PIEZO2: variants seen among roughly 807,000 people sequenced by gnomAD.
The protein encoded by PIEZO2 is piezo-type mechanosensitive ion channel component 2.
PIEZO2 carries 172 observed loss-of-function variants against 337.3 expected under a neutral mutation model. The observed-to-expected ratio is 0.51, with a 90% confidence interval of 0.45 to 0.58. The LOEUF (loss-of-function observed/expected upper bound fraction) is 0.58. PIEZO2 is among the 20% of genes least tolerant of loss of function. The probability of loss-of-function intolerance (pLI) is 0.00; values close to 1 mark genes in which losing one functional copy is unlikely to be tolerated. For missense variants in PIEZO2, 3,028 were observed against 3,391.3 expected, an observed-to-expected ratio of 0.89 and a Z score of 2.66; for synonymous variants, 1,251 against 1,228.5, an observed-to-expected ratio of 1.02 and a Z score of -0.38.
chr18:10,759,405 A>T lies in PIEZO2; in HGVS notation c.3757+77T>A. On this transcript the variant is annotated intron_variant, in intron 26 of 55. Coordinates refer to ENST00000674853, the MANE Select transcript of PIEZO2 (RefSeq NM_001378183.1). This position sits in a 1 kb window ranked among gnomAD's most constrained non-coding sequence, Gnocchi z 5.5. The stretch of plus-strand genomic sequence containing the variant: ...AGTCTAGTGGAAGACAAAAGGCACT[A>T]ATGCATAGCACGTGAACAATGATTA... 1 of 1,230,730 alleles carries T rather than the reference A, an allele frequency of 8.1e-7. No individual in the cohort carries two copies. Among genetic ancestry groups the T allele is most frequent in the Non-Finnish European group, 1.1e-6 (1 of 872,926 alleles). The allele number at this position is 1,230,730 out of a possible 1,614,324, so 76.2% of individuals were successfully genotyped here. A position where few individuals can be genotyped will look rare whatever the true frequency, so the allele number is the denominator to read the frequency against.
chr18:10,774,879 G>A (rs1327290707), intron 18 of PIEZO2, among the ~76,000 whole-genome samples: 1 of 152,152 alleles, frequency 6.6e-6, no homozygotes, highest in African/African-American at 2.4e-5. Context: ...ATAATTGTAG[G>A]TTCTGAGTAA....
rs891758268 is a variant in PIEZO2, at chr18:10,855,283, A to G, written c.917+70T>C. The G allele has an allele frequency of 6.4e-5, 87 of 1,354,774 alleles. No individual in the cohort carries two copies. The highest frequency in any genetic ancestry group is 8.1e-5 in the Non-Finnish European group (80 of 987,852). 83.9% of individuals were successfully genotyped at this position (1,354,774 alleles called of 1,614,324 possible). ...CAAGAATAACCCCTGTAAATTCACAATGCCAAACCAAGGTCCCAAAGGCGT... is the reference window on the plus strand; with the variant it reads ...CAAGAATAACCCCTGTAAATTCACAGTGCCAAACCAAGGTCCCAAAGGCGT... On this transcript the variant is annotated intron_variant, in intron 7 of 55. Coordinates refer to ENST00000674853, the MANE Select transcript of PIEZO2 (RefSeq NM_001378183.1). This position sits in a 1 kb window ranked among gnomAD's most constrained non-coding sequence, Gnocchi z 4.9.
rs192204849 is a variant in PIEZO2, at chr18:10,793,902, G to A, written c.1758+870C>T. On this transcript the variant is annotated intron_variant, in intron 13 of 55. Coordinates refer to ENST00000674853, the MANE Select transcript of PIEZO2 (RefSeq NM_001378183.1). Reference sequence around the variant, plus strand: ...AGCTCTTCACCCAAAAATCTGTTACGAAGACCAAACTTTGCCCTAGTCTAC... The same window carrying A: ...AGCTCTTCACCCAAAAATCTGTTACAAAGACCAAACTTTGCCCTAGTCTAC... Among the ~76,000 whole-genome samples the A allele has an allele frequency of 2.6e-3, 389 of 152,122 alleles. 1 individual carries two copies. Among genetic ancestry groups the A allele is most frequent in the African/African-American group, 8.8e-3 (367 of 41,504 alleles).
intron 3 of PIEZO2, among the ~76,000 whole-genome samples, chr18:10,950,562 G>T (rs745399948): frequency 1.1e-4 from 16 of 152,188 alleles, no homozygotes; most frequent in Non-Finnish European, 1.9e-4. Context: ...AACGAGAAAA[G>T]TAAGTTATTG....
At position 11,104,520 on chromosome 18, in the gene PIEZO2, G is replaced by A; in HGVS notation, c.65-38298C>T. Reference sequence around the variant, plus strand: ...CAGGGACGGCCTCCTGGGCAGGAGAGAAAGCTGGCCTGGAGCCATCTGAAG... The same window carrying A: ...CAGGGACGGCCTCCTGGGCAGGAGAAAAAGCTGGCCTGGAGCCATCTGAAG... On this transcript the variant is annotated intron_variant, in intron 1 of 55. Coordinates refer to ENST00000674853, the MANE Select transcript of PIEZO2 (RefSeq NM_001378183.1). The surrounding 1 kb of genome is among the most constrained non-coding windows in gnomAD (Gnocchi z 4.6). 6.6e-6 allele frequency among the ~76,000 whole-genome samples: 1 copy of A among 152,214 alleles called. No individual in the cohort carries two copies. The highest frequency in any genetic ancestry group is 1.9e-4 in the East Asian group (1 of 5,188).
rs1433545868 is a variant in PIEZO2, at chr18:10,671,336, T to C, written c.*191A>G. 2 of 533,170 alleles carry C rather than the reference T, an allele frequency of 3.8e-6. No individual in the cohort carries two copies. Among genetic ancestry groups the C allele is most frequent in the East Asian group, 3.3e-5 (1 of 30,514 alleles). The allele number at this position is 533,170 out of a possible 1,614,324, so 33.0% of individuals were successfully genotyped here. On this transcript the variant is annotated 3_prime_UTR_variant, in exon 56 of 56. Coordinates refer to ENST00000674853, the MANE Select transcript of PIEZO2 (RefSeq NM_001378183.1). ...GATTTCAGAGAAATGGAGTTACAAA[T>C]AACATTTTCAACAGTGCCTTAACTT...
chr18:10,948,664 G>T (rs144683846), intron 3 of PIEZO2, among the ~76,000 whole-genome samples: 1 of 152,124 alleles, frequency 6.6e-6, no homozygotes, highest in African/African-American at 2.4e-5. Context: ...AGCTTGCAGA[G>T]GGGGAAATGT....
Position 10,988,920 on chromosome 18 carries a change from G to T in PIEZO2, c.161-9260C>A, listed in dbSNP as rs79635390. 0.021 allele frequency among the ~76,000 whole-genome samples: 3,218 copies of T among 152,180 alleles called. 123 individuals carry two copies. Among genetic ancestry groups the T allele is most frequent in the African/African-American group, 0.073 (3,015 of 41,506 alleles). The stretch of plus-strand genomic sequence containing the variant: ...AGAGAGTAGAATGGTGGTTATAAGG[G>T]GCTGGGGGTGGAGAGCAGGGAAATG... On this transcript the variant is annotated intron_variant, in intron 2 of 55. Transcript: ENST00000674853. This position sits in a 1 kb window ranked among gnomAD's most constrained non-coding sequence, Gnocchi z 4.8.
intron 3 of PIEZO2, among the ~76,000 whole-genome samples, chr18:10,938,935 A>C (rs1216181124): frequency 1.3e-5 from 2 of 152,084 alleles, no homozygotes; most frequent in African/African-American, 2.4e-5. Flanking sequence ...AAATACAAAA[A>C]AATTAGCCAG....
At chr18:10,697,487 C>A (rs548752636) in intron 45 of PIEZO2, among the ~76,000 whole-genome samples, 2 of 152,340 alleles carry the variant, frequency 1.3e-5, no homozygotes, top group African/African-American at 4.8e-5. Flanking sequence ...AGAATACAAT[C>A]CATGAGCCCT....
At chr18:11,042,183 A>C (rs1046902793) in intron 2 of PIEZO2, among the ~76,000 whole-genome samples, 1 of 152,306 alleles carries the variant, frequency 6.6e-6, no homozygotes, top group Admixed American at 6.5e-5. Flanking sequence ...TCTGCCAATG[A>C]AAAACACTAA....
At position 10,935,029 on chromosome 18, in the gene PIEZO2, T is replaced by C. The variant is rs191104434; in HGVS notation, c.287-23801A>G. 3.0e-3 allele frequency among the ~76,000 whole-genome samples: 464 copies of C among 152,282 alleles called. 7 individuals are homozygous for C. The highest frequency in any genetic ancestry group is 0.013 in the Admixed American group (195 of 15,300). On this transcript the variant is annotated intron_variant, in intron 3 of 55. Transcript: ENST00000674853. ...TCTCACACAGGCCACCTGGCTGTGATGTCTGTGCTCTAACCACTATGCTAC... is the reference window on the plus strand; with the variant it reads ...TCTCACACAGGCCACCTGGCTGTGACGTCTGTGCTCTAACCACTATGCTAC...
At chr18:10,810,452 T>C (rs2040153598) in intron 7 of PIEZO2, among the ~76,000 whole-genome samples, 1 of 152,200 alleles carries the variant, frequency 6.6e-6, no homozygotes, top group Non-Finnish European at 1.5e-5. Flanking sequence ...TCTCTGCACA[T>C]TGTGACAGCT....
In PIEZO2 at chr18:10,781,109, G is replaced by A. The variant is rs1362169641; in HGVS notation, c.2493-743C>T. 6.6e-6 allele frequency among the ~76,000 whole-genome samples: 1 copy of A among 151,098 alleles called. No homozygotes were observed. Among genetic ancestry groups the A allele is most frequent in the Non-Finnish European group, 1.5e-5 (1 of 67,918 alleles). On this transcript the variant is annotated intron_variant, in intron 17 of 55. Coordinates refer to ENST00000674853, the MANE Select transcript of PIEZO2 (RefSeq NM_001378183.1). The surrounding 1 kb of genome is among the most constrained non-coding windows in gnomAD (Gnocchi z 4.1). ...TTGCTAAAACTATAGTTTAAAAAAAGTCATTTCATTTCTCTATGCATAATA... is the reference window on the plus strand; with the variant it reads ...TTGCTAAAACTATAGTTTAAAAAAAATCATTTCATTTCTCTATGCATAATA...
chr18:11,066,222 G>A lies in PIEZO2; in HGVS notation c.65C>T (p.Ala22Val). ...RLLLPICLAV[A>V]CAFRYNGLSF... The stretch of plus-strand genomic sequence containing the variant: ...GAGCCCATTGTATCGGAATGCACAT[G>A]CTGTGGGTGGGAAGAGAGAAGAGAG... Residue 22 changes from alanine (A) to valine (V), a missense_variant and splice_region_variant, in exon 2 of 56, where the codon GCA becomes GTA. By Grantham distance (64) the Ala-to-Val change is moderately conservative (BLOSUM62 0). Around this residue, in one of 5 missense-constraint regions of PIEZO2, gnomAD observed 542 missense variants for 605.6 expected, o/e 0.89. Transcript: ENST00000674853. The A allele has an allele frequency of 1.3e-6, 2 of 1,534,696 alleles. No homozygotes were observed. Among genetic ancestry groups the A allele is most frequent in the South Asian group, 1.2e-5 (1 of 83,980 alleles).
chr18:11,098,356 C>G (rs1227635531), intron 1 of PIEZO2, among the ~76,000 whole-genome samples: 2 of 151,782 alleles, frequency 1.3e-5, no homozygotes, highest in Admixed American at 1.3e-4. Context: ...TAACAATTTT[C>G]TCTCCTAGGT....
intron 4 of PIEZO2, among the ~76,000 whole-genome samples, chr18:10,887,430 C>A (rs2042639936): frequency 6.6e-6 from 1 of 151,996 alleles, no homozygotes; most frequent in Non-Finnish European, 1.5e-5. Context: ...CAGCACCAAG[C>A]CACGGAGAGA....
At chr18:10,841,191 G>A (rs2041181110) in intron 7 of PIEZO2, among the ~76,000 whole-genome samples, 1 of 152,134 alleles carries the variant, frequency 6.6e-6, no homozygotes, top group Non-Finnish European at 1.5e-5. Context: ...TTGCATATCA[G>A]GCAATGGAGA....
chr18:10,995,077 CAAAA>C (rs767666232), intron 2 of PIEZO2, among the ~76,000 whole-genome samples: 53 of 28,298 alleles, frequency 1.9e-3, no homozygotes, highest in African/African-American at 7.0e-3. Flanking sequence ...GACTCCGTCT[CAAAA>C]AAAAAAAAAA....
Sources: gnomAD v4.1 joint callset for allele counts (sites outside exome capture counted in the v4.1 genomes callset) on GRCh38, gnomAD v4.1.1 for gene constraint, gnomAD v4.1.1 regional missense constraint, Gnocchi (gnomAD v3.1) non-coding constraint, MANE v1.5 for transcripts, NCBI Gene and HGNC (gene_info 2026-07-23, HGNC 2026-07-21) for gene names.